EML5: variants seen among roughly 807,000 people sequenced by gnomAD.
EML5 encodes the protein EMAP like 5.
EML5 carries 120 observed loss-of-function variants against 250.0 expected under a neutral mutation model. The observed-to-expected ratio is 0.48, with a 90% CI of 0.41 to 0.56. The LOEUF (loss-of-function observed/expected upper bound fraction) is 0.56, where lower values mean the gene tolerates loss of function less well. Ranked by LOEUF, EML5 falls within the 20% of genes least tolerant of loss-of-function variation. The pLI is 0.00. For synonymous variants in EML5, 771 were observed against 806.5 expected (o/e 0.96, Z 0.75); for missense variants, 2,006 against 2,437.6 (o/e 0.82, Z 3.73).
At chr14:88,772,696 T>C (rs910390586) in intron 1 of EML5, among the ~76,000 whole-genome samples, 4 of 151,402 alleles carry the variant, frequency 2.6e-5, no homozygotes, top group African/African-American at 9.7e-5. Flanking sequence ...GAGGTTGCAG[T>C]GAGCCGAGAT....
At chr14:88,659,717 C>G (rs543061497) in intron 25 of EML5, among the ~76,000 whole-genome samples, 1 of 152,306 alleles carries the variant, frequency 6.6e-6, no homozygotes, top group Admixed American at 6.5e-5. Flanking sequence ...TTTAGTGGAA[C>G]ACATTGTTAA....
At chr14:88,676,815 C>A (rs2092604502) in intron 21 of EML5, among the ~76,000 whole-genome samples, 1 of 152,200 alleles carries the variant, frequency 6.6e-6, no homozygotes, top group Non-Finnish European at 1.5e-5. Flanking sequence ...GAATAGAGAT[C>A]TCAGAAGTAA....
intron 16 of EML5, 135 bp from the exon 17 acceptor site, chr14:88,694,542 T>C (rs1566647996): frequency 3.1e-6 from 2 of 637,572 alleles, no homozygotes; most frequent in East Asian, 5.6e-5. Context: ...GTTTGGGCTG[T>C]GTATTTGTTC....
In EML5 at chr14:88,709,171, A is replaced by C. The variant is rs567352947; in HGVS notation, c.1658-2745T>G. On this transcript the variant is annotated intron_variant, in intron 10 of 43. Coordinates refer to ENST00000554922, the MANE Select transcript of EML5 (RefSeq NM_183387.3). ...AGATATGGGAATAATAAATATATGA[A>C]AATATCTTTCTGACCCTAGTAAAAG... Among the ~76,000 whole-genome samples, 8 of 152,134 alleles carry C rather than the reference A, an allele frequency of 5.3e-5. No homozygotes were observed. In the South Asian group the frequency reaches 1.4e-3, roughly 28 times the overall value.
intron 29 of EML5, 34 bp from the exon 30 acceptor site, chr14:88,644,545 G>C (rs1319017922): frequency 2.5e-6 from 4 of 1,595,180 alleles, no homozygotes; most frequent in Non-Finnish European, 3.4e-6. Context: ...GGAAAGGCAT[G>C]CAGCACTCAG....
chr14:88,626,651 A>T, intron 35 of EML5, 187 bp downstream of exon 35: 1 of 655,498 alleles, frequency 1.5e-6, no homozygotes. Flanking sequence ...CCCTCTCATT[A>T]ACATTCTTTT....
chr14:88,741,983 T>C (rs1218390545), intron 4 of EML5, among the ~76,000 whole-genome samples: 1 of 152,154 alleles, frequency 6.6e-6, no homozygotes, highest in African/African-American at 2.4e-5. Context: ...TGTACATAAG[T>C]GGCTTGTTTT....
intron 29 of EML5, among the ~76,000 whole-genome samples, chr14:88,646,013 A>G (rs1227326598): frequency 6.6e-6 from 1 of 152,188 alleles, no homozygotes; most frequent in Non-Finnish European, 1.5e-5. Flanking sequence ...ACCATTATTC[A>G]AATACTGAAT....
intron 1 of EML5, among the ~76,000 whole-genome samples, chr14:88,786,101 T>A (rs761310171): frequency 6.6e-6 from 1 of 152,212 alleles, no homozygotes; most frequent in South Asian, 2.1e-4. Flanking sequence ...TTGCATTTGA[T>A]AGTCCCTTTA....
intron 14 of EML5, among the ~76,000 whole-genome samples, chr14:88,698,307 C>T (rs558053036): frequency 8.4e-4 from 113 of 134,882 alleles, no homozygotes; most frequent in African/African-American, 3.2e-3. Flanking sequence ...ACTCCTGTTG[C>T]CCTGCTGAAG....
In EML5 at chr14:88,712,559, T is replaced by C. The variant is rs189479305; in HGVS notation, c.1445-76A>G. The C allele has an allele frequency of 6.0e-4, 724 of 1,201,186 alleles. 3 individuals carry two copies. Among genetic ancestry groups the C allele is most frequent in the Non-Finnish European group, 7.5e-4 (655 of 868,982 alleles). The allele number at this position is 1,201,186 out of a possible 1,614,324, so 74.4% of individuals were successfully genotyped here. A position where few individuals can be genotyped will look rare whatever the true frequency, so the allele number is the denominator to read the frequency against. ...TCAAGCCTAAACTGTACTGAGAACATAGTAAATTCCAAAATTTAATGTATC... is the reference window on the plus strand; with the variant it reads ...TCAAGCCTAAACTGTACTGAGAACACAGTAAATTCCAAAATTTAATGTATC... On this transcript the variant is annotated intron_variant, in intron 9 of 43. Coordinates refer to ENST00000554922, the MANE Select transcript of EML5 (RefSeq NM_183387.3).
At chr14:88,690,850 T>C (rs2092941314) in intron 17 of EML5, among the ~76,000 whole-genome samples, 1 of 152,178 alleles carries the variant, frequency 6.6e-6, no homozygotes, top group South Asian at 2.1e-4. Flanking sequence ...CTGGCCTTTA[T>C]TAGAGGGCAA....
intron 31 of EML5, 64 bp downstream of exon 31, chr14:88,642,829 C>G (rs2091142459): frequency 6.8e-7 from 1 of 1,474,492 alleles, no homozygotes; most frequent in African/African-American, 1.4e-5. Context: ...AGATTTTAAG[C>G]TGCTAGATCA....
intron 8 of EML5, among the ~76,000 whole-genome samples, chr14:88,718,607 ACAAT>A (rs1475341058): frequency 1.3e-5 from 2 of 152,216 alleles, no homozygotes; most frequent in Non-Finnish European, 2.9e-5. Context: ...GACATAGGGT[ACAAT>A]TAGTCAGTGT....
chr14:88,622,803 ATC>A, intron 36 of EML5, 85 bp from the exon 37 acceptor site: 1 of 791,076 alleles, frequency 1.3e-6, no homozygotes. Flanking sequence ...TATAAGCAGA[ATC>A]TTTTTTTTTT....
At position 88,754,652 on chromosome 14, in the gene EML5, G is replaced by A. The variant is rs752509167; in HGVS notation, c.217C>T (p.Arg73Ter). 9.3e-6 allele frequency: 15 copies of A among 1,610,184 alleles called. No homozygotes were observed. The highest frequency in any genetic ancestry group is 1.2e-5 in the Non-Finnish European group (14 of 1,178,332). Reference sequence around the variant, plus strand: ...ACTTGTCCTGTTGCTACCAACACTCGTTCAGGATGCAATGCAAGGCTGTAA... The same window carrying A: ...ACTTGTCCTGTTGCTACCAACACTCATTCAGGATGCAATGCAAGGCTGTAA... The part of the protein sequence containing the change: ...DIISLALHPE[R>*]VLVATGQVGK... Residue 73 changes from arginine to a stop codon, truncating the protein, a stop_gained, in exon 2 of 44, where the codon CGA becomes TGA. Coordinates refer to ENST00000554922, the MANE Select transcript of EML5 (RefSeq NM_183387.3). LOFTEE classifies it high-confidence loss of function.
At chr14:88,729,246 G>T (rs2093715303) in intron 7 of EML5, among the ~76,000 whole-genome samples, 4 of 152,062 alleles carry the variant, frequency 2.6e-5, no homozygotes, top group Admixed American at 6.6e-5. Flanking sequence ...TAGCTGAACA[G>T]AATGGTGAAA....
intron 7 of EML5, among the ~76,000 whole-genome samples, chr14:88,729,463 TTAA>T (rs1402761523): frequency 5.3e-5 from 8 of 152,220 alleles, no homozygotes; most frequent in Non-Finnish European, 8.8e-5. Flanking sequence ...AAAAAATGTT[TTAA>T]TAAAATTTTG....
At chr14:88,726,794 G>A in intron 7 of EML5, 116 bp from the exon 8 acceptor site, 2 of 715,476 alleles carry the variant, frequency 2.8e-6, no homozygotes, top group Non-Finnish European at 4.3e-6. Flanking sequence ...TTAACTATCT[G>A]TTGTGTGGCA....
Sources: allele counts gnomAD v4.1 joint callset (sites outside exome capture counted in the v4.1 genomes callset), GRCh38; gene constraint gnomAD v4.1.1; transcripts MANE v1.5; gene names NCBI Gene and HGNC (gene_info 2026-07-23, HGNC 2026-07-21).